CCNY: variants seen among roughly 807,000 people sequenced by gnomAD.
CCNY encodes the protein cyclin Y.
A neutral mutation model predicts 42.8 loss-of-function variants in CCNY; 19 were observed. The ratio of observed to expected loss-of-function variants is 0.44; its 90% CI spans 0.31 to 0.65. The LOEUF is 0.65. Among genes scored for constraint, CCNY ranks in the 30% least tolerant of loss-of-function variants. CCNY has a pLI of 0.07. For missense variants in CCNY, 370 were observed against 437.3 expected, an observed-to-expected ratio of 0.85 and a Z score of 1.37; for synonymous variants, 165 against 162.7, an observed-to-expected ratio of 1.01 and a Z score of -0.11.
intron 1 of CCNY, among the ~76,000 whole-genome samples, chr10:35,468,089 A>G (rs1839307007): frequency 6.6e-6 from 1 of 152,264 alleles, no homozygotes; most frequent in Admixed American, 6.5e-5. Context: ...TATTCCTTAC[A>G]GTTCAGGAAG....
At chr10:35,485,792 T>C (rs1180642268) in intron 2 of CCNY, among the ~76,000 whole-genome samples, 1 of 151,510 alleles carries the variant, frequency 6.6e-6, no homozygotes, top group Non-Finnish European at 1.5e-5. Flanking sequence ...TTTAGTGACA[T>C]GATAATCAGA....
intron 9 of CCNY, among the ~76,000 whole-genome samples, chr10:35,568,185 C>T (rs372437978): frequency 1.4e-4 from 22 of 152,278 alleles, no homozygotes; most frequent in Admixed American, 7.2e-4. Context: ...GAGCACAGGC[C>T]GAGGTTGGTG....
chr10:35,347,059 G>A (rs1185403341), intron 1 of CCNY, among the ~76,000 whole-genome samples: 1 of 152,224 alleles, frequency 6.6e-6, no homozygotes, highest in African/African-American at 2.4e-5. Context: ...TAACAACTCT[G>A]GGCTGAGTCT....
intron 1 of CCNY, among the ~76,000 whole-genome samples, chr10:35,436,273 A>T (rs540835081): frequency 6.6e-6 from 1 of 152,164 alleles, no homozygotes; most frequent in Admixed American, 6.5e-5. Flanking sequence ...AGTGTTCACA[A>T]TTTCCTGGTG....
chr10:35,408,208 T>C (rs1026765619), intron 1 of CCNY, among the ~76,000 whole-genome samples: 3 of 152,192 alleles, frequency 2.0e-5, no homozygotes, highest in African/African-American at 7.2e-5. Context: ...CCTGAGGTCA[T>C]AGGTGGATCT....
intron 2 of CCNY, among the ~76,000 whole-genome samples, chr10:35,494,240 C>CCG (rs1554794897): frequency 6.3e-5 from 9 of 143,556 alleles, no homozygotes; most frequent in South Asian, 4.8e-4. Flanking sequence ...TGAGACCCCC[C>CCG]CCCCCATTTC....
intron 7 of CCNY, among the ~76,000 whole-genome samples, chr10:35,534,999 A>ATATGTG (rs375976167): frequency 6.0e-5 from 8 of 133,500 alleles, no homozygotes; most frequent in Admixed American, 3.7e-4. Context: ...ATCTATATAT[A>ATATGTG]TGTGTGTGTG....
intron 2 of CCNY, chr10:35,248,235 C>T (rs1220050238): frequency 6.6e-6 from 1 of 152,400 alleles, no homozygotes; most frequent in Non-Finnish European, 1.5e-5. Flanking sequence ...CTGTCATTTC[C>T]CAGTGCTAAA....
intron 1 of CCNY, among the ~76,000 whole-genome samples, chr10:35,465,955 G>GTGTGTC (rs1325563018): frequency 2.0e-5 from 3 of 151,494 alleles, no homozygotes; most frequent in Non-Finnish European, 2.9e-5. Flanking sequence ...GTGTGTGTGT[G>GTGTGTC]TGTGTCTGTG....
At chr10:35,496,282 C>A (rs1840001264) in intron 2 of CCNY, among the ~76,000 whole-genome samples, 1 of 152,212 alleles carries the variant, frequency 6.6e-6, no homozygotes, top group South Asian at 2.1e-4. Context: ...AAATGGGACT[C>A]GTTTTATGCA....
At chr10:35,549,048 G>A (rs1841181857) in intron 7 of CCNY, among the ~76,000 whole-genome samples, 1 of 151,726 alleles carries the variant, frequency 6.6e-6, no homozygotes, top group East Asian at 1.9e-4. Context: ...AGTCATGGAT[G>A]TTTTCATTCA....
chr10:35,360,073 A>T (rs1836648560), intron 1 of CCNY, among the ~76,000 whole-genome samples: 2 of 152,086 alleles, frequency 1.3e-5, no homozygotes, highest in Admixed American at 6.5e-5. Context: ...TAGGCACACG[A>T]GTGTTGAAAC....
At chr10:35,385,386 G>A (rs1002857769) in intron 1 of CCNY, among the ~76,000 whole-genome samples, 15 of 152,106 alleles carry the variant, frequency 9.9e-5, no homozygotes, top group African/African-American at 3.6e-4. Flanking sequence ...AACTCCTGTG[G>A]TACTCCTGTA....
intron 3 of CCNY, among the ~76,000 whole-genome samples, chr10:35,255,267 G>A (rs1324672027): frequency 2.0e-5 from 3 of 151,332 alleles, no homozygotes; most frequent in Non-Finnish European, 4.4e-5. Context: ...AAGTCTATTA[G>A]TTTGTGCTTT....
At chr10:35,439,821 A>G (rs935277166) in intron 1 of CCNY, among the ~76,000 whole-genome samples, 7 of 151,880 alleles carry the variant, frequency 4.6e-5, no homozygotes, top group African/African-American at 1.7e-4. Context: ...CTCCCTTGTT[A>G]CTGCCAGGTG....
At chr10:35,545,282 T>C (rs1589195801) in intron 7 of CCNY, among the ~76,000 whole-genome samples, 1 of 152,156 alleles carries the variant, frequency 6.6e-6, no homozygotes, top group South Asian at 2.1e-4. Context: ...TTCTGTTAAT[T>C]CCCTGGGGCT....
At chr10:35,267,277 C>CT (rs2095726479) in intron 3 of CCNY, among the ~76,000 whole-genome samples, 1 of 150,518 alleles carries the variant, frequency 6.6e-6, no homozygotes, top group Non-Finnish European at 1.5e-5. Context: ...CATCCTACTC[C>CT]AGCCTGGGCA....
chr10:35,458,302 A>G (rs948050704), intron 1 of CCNY, among the ~76,000 whole-genome samples: 1 of 152,218 alleles, frequency 6.6e-6, no homozygotes, highest in African/African-American at 2.4e-5. Flanking sequence ...AAGGGTGGAG[A>G]GAATCTCAGC....
At chr10:35,416,336 T>C (rs1838025452) in intron 1 of CCNY, among the ~76,000 whole-genome samples, 1 of 152,184 alleles carries the variant, frequency 6.6e-6, no homozygotes, top group African/African-American at 2.4e-5. Context: ...TGGTGGCTCA[T>C]GCCTGTAATC....
Sources: allele counts gnomAD v4.1 joint callset (sites outside exome capture counted in the v4.1 genomes callset), GRCh38; gene constraint gnomAD v4.1.1; transcripts MANE v1.5; gene names NCBI Gene and HGNC (gene_info 2026-07-23, HGNC 2026-07-21).